Variants in GPR137C observed in about 807,000 individuals in gnomAD.
The protein encoded by GPR137C is G protein-coupled receptor 137C.
A neutral mutation model predicts 43.4 loss-of-function variants in GPR137C; 27 were observed. The ratio of observed to expected loss-of-function variants is 0.62; its 90% CI spans 0.46 to 0.86. The LOEUF (loss-of-function observed/expected upper bound fraction) is 0.86. Ranked by LOEUF, GPR137C falls within the 40% of genes least tolerant of loss-of-function variation. The pLI, the probability that GPR137C is intolerant of heterozygous loss-of-function variation, is 0.00. For missense variants in GPR137C, 522 were observed against 534.6 expected (o/e 0.98, Z 0.23); for synonymous variants, 285 against 226.9 (o/e 1.26, Z -2.30).
chr14:52,582,362 A>G (rs930730711), intron 1 of GPR137C, among the ~76,000 whole-genome samples: 1 of 152,250 alleles, frequency 6.6e-6, no homozygotes, highest in African/African-American at 2.4e-5. Flanking sequence ...AACATTTCAT[A>G]TCATTGCACA....
intron 1 of GPR137C, among the ~76,000 whole-genome samples, chr14:52,585,840 AAAAAG>A (rs1330201219): frequency 2.0e-5 from 3 of 152,290 alleles, no homozygotes; most frequent in African/African-American, 4.8e-5. Flanking sequence ...GTCTCAAAAA[AAAAAG>A]AAAAGAAAAG....
intron 1 of GPR137C, among the ~76,000 whole-genome samples, chr14:52,573,998 G>A (rs566194963): frequency 1.2e-4 from 18 of 152,246 alleles, no homozygotes; most frequent in Middle Eastern, 6.8e-3. Context: ...TTAGAGAAAT[G>A]CAAATCAAAA....
At chr14:52,605,701 A>G (rs184105536) in intron 3 of GPR137C, among the ~76,000 whole-genome samples, 9 of 152,266 alleles carry the variant, frequency 5.9e-5, no homozygotes, top group Admixed American at 3.9e-4. Flanking sequence ...TTTAGACTTT[A>G]TCTTGCTGAG....
At chr14:52,578,717 C>T (rs1192733882) in intron 1 of GPR137C, among the ~76,000 whole-genome samples, 2 of 152,078 alleles carry the variant, frequency 1.3e-5, no homozygotes, top group Non-Finnish European at 2.9e-5. Flanking sequence ...GGGCGGATCA[C>T]CTGAGCACCT....
chr14:52,575,566 G>T (rs773425375), intron 1 of GPR137C, among the ~76,000 whole-genome samples: 3 of 152,120 alleles, frequency 2.0e-5, no homozygotes, highest in Non-Finnish European at 4.4e-5. Context: ...TGTTAATTCT[G>T]CAGATCTTGA....
At chr14:52,591,119 A>G (rs938769637) in intron 1 of GPR137C, among the ~76,000 whole-genome samples, 5 of 152,034 alleles carry the variant, frequency 3.3e-5, no homozygotes, top group Non-Finnish European at 5.9e-5. Context: ...GCTGAGAATG[A>G]TGTTTTCCAG....
chr14:52,557,722 C>T (rs1372011291), intron 1 of GPR137C, among the ~76,000 whole-genome samples: 1 of 152,122 alleles, frequency 6.6e-6, no homozygotes, highest in African/African-American at 2.4e-5. Context: ...TAACATTTGT[C>T]TTCACAACCC....
intron 3 of GPR137C, among the ~76,000 whole-genome samples, chr14:52,615,667 A>G (rs948497409): frequency 6.6e-5 from 10 of 152,080 alleles, no homozygotes; most frequent in Admixed American, 5.9e-4. Flanking sequence ...TTCATTGTAG[A>G]GATCTTTCAC....
chr14:52,622,077 A>G (rs1001309412), intron 3 of GPR137C, among the ~76,000 whole-genome samples: 9 of 151,930 alleles, frequency 5.9e-5, no homozygotes, highest in African/African-American at 1.4e-4. Flanking sequence ...TCTGCATTCA[A>G]TCTATTGTGG....
At chr14:52,568,926 C>T (rs2038418289) in intron 1 of GPR137C, among the ~76,000 whole-genome samples, 1 of 152,246 alleles carries the variant, frequency 6.6e-6, no homozygotes, top group Admixed American at 6.5e-5. Context: ...GATCTCCCAG[C>T]ACAGCGCTTG....
intron 1 of GPR137C, among the ~76,000 whole-genome samples, chr14:52,577,818 T>G (rs1025038087): frequency 1.6e-4 from 19 of 119,828 alleles, no homozygotes; most frequent in Non-Finnish European, 2.5e-4. Context: ...AAAAAAAAAA[T>G]TAGCTGGGCG....
chr14:52,611,459 T>G (rs2039038403), intron 3 of GPR137C: 1 of 232,990 alleles, frequency 4.3e-6, no homozygotes, highest in Non-Finnish European at 7.0e-6. Context: ...ATTATACAAA[T>G]ATAGTAAATT....
intron 1 of GPR137C, among the ~76,000 whole-genome samples, chr14:52,594,411 A>G (rs1040867951): frequency 2.0e-5 from 3 of 152,126 alleles, no homozygotes; most frequent in Non-Finnish European, 4.4e-5. Context: ...TCTGGCTAAT[A>G]TTGACAGTGG....
At chr14:52,582,969 A>G (rs1172852256) in intron 1 of GPR137C, among the ~76,000 whole-genome samples, 1 of 152,164 alleles carries the variant, frequency 6.6e-6, no homozygotes, top group Non-Finnish European at 1.5e-5. Flanking sequence ...GCTAGTCTGT[A>G]TATGGGATAA....
At chr14:52,593,864 T>A (rs924414546) in intron 1 of GPR137C, among the ~76,000 whole-genome samples, 5 of 152,168 alleles carry the variant, frequency 3.3e-5, no homozygotes, top group Non-Finnish European at 5.9e-5. Context: ...GTTTCTTGCC[T>A]TCTGCTAGCT....
At chr14:52,599,992 A>C (rs571398083) in intron 2 of GPR137C, 121 bp from the exon 3 acceptor site, 10 of 658,580 alleles carry the variant, frequency 1.5e-5, no homozygotes, top group Non-Finnish European at 2.6e-5. Flanking sequence ...TTAAAAATCT[A>C]TGCCATTCAT....
intron 1 of GPR137C, among the ~76,000 whole-genome samples, chr14:52,559,722 G>C (rs1262676233): frequency 4.6e-5 from 7 of 152,132 alleles, no homozygotes; most frequent in African/African-American, 1.7e-4. Context: ...TAGAAAAACA[G>C]AAGTAAAATT....
intron 3 of GPR137C, among the ~76,000 whole-genome samples, chr14:52,629,400 A>G (rs776536291): frequency 2.0e-5 from 3 of 152,170 alleles, no homozygotes; most frequent in African/African-American, 7.2e-5. Flanking sequence ...TACTTTCTCA[A>G]TTTTCCTGGG....
chr14:52,577,684 G>A (rs1170119343), intron 1 of GPR137C, among the ~76,000 whole-genome samples: 2 of 151,608 alleles, frequency 1.3e-5, no homozygotes, highest in Non-Finnish European at 2.9e-5. Context: ...TTTAAACTTA[G>A]GGGTGCAGTG....
Sources: allele counts gnomAD v4.1 joint callset (sites outside exome capture counted in the v4.1 genomes callset), GRCh38; gene constraint gnomAD v4.1.1; transcripts MANE v1.5; gene names NCBI Gene and HGNC (gene_info 2026-07-23, HGNC 2026-07-21).